HMBOX1: variants seen among roughly 807,000 people sequenced by gnomAD.
The protein encoded by HMBOX1 is homeobox containing 1.
A neutral mutation model predicts 54.5 loss-of-function variants in HMBOX1; 14 were observed. That is an observed-to-expected ratio of 0.26 (90% CI 0.17 to 0.40). The LOEUF (loss-of-function observed/expected upper bound fraction) is 0.40, where lower values mean the gene tolerates loss of function less well. Among genes scored for constraint, HMBOX1 ranks in the 10% least tolerant of loss-of-function variants. HMBOX1 has a pLI of 1.00. For missense variants in HMBOX1, 332 were observed against 514.4 expected (o/e 0.65, Z 3.43); for synonymous variants, 160 against 181.0 (o/e 0.88, Z 0.93).
rs558574425 is a variant in HMBOX1, at chr8:29,001,537, G to A, written c.587-7535G>A. On this transcript the variant is annotated intron_variant, in intron 4 of 9. Transcript: ENST00000287701. The stretch of plus-strand genomic sequence containing the variant: ...GGCGCTTCAGCCTCGGTAATAGAGC[G>A]AGATTCCATCTCAAACAAAACAAAA... 2.2e-3 allele frequency among the ~76,000 whole-genome samples: 318 copies of A among 146,336 alleles called. 1 individual carries two copies. Among genetic ancestry groups the A allele is most frequent in the African/African-American group, 7.4e-3 (291 of 39,324 alleles).
intron 6 of HMBOX1, 140 bp downstream of exon 6, chr8:29,019,053 A>G (rs1800769052): frequency 1.5e-6 from 1 of 654,326 alleles, no homozygotes. Flanking sequence ...AATATCATAA[A>G]TGCTGTATTA....
At chr8:28,920,606 T>C (rs1382660781) in intron 1 of HMBOX1, among the ~76,000 whole-genome samples, 1 of 152,218 alleles carries the variant, frequency 6.6e-6, no homozygotes, top group African/African-American at 2.4e-5. Context: ...ATTTATTGAG[T>C]ACCTACCATG....
intron 6 of HMBOX1, among the ~76,000 whole-genome samples, chr8:29,028,790 T>C (rs1802465814): frequency 6.6e-6 from 1 of 152,228 alleles, no homozygotes; most frequent in Non-Finnish European, 1.5e-5. Context: ...AAGAGACTCA[T>C]AGGTTCAAGC....
chr8:29,036,554 GA>G (rs1803910458), intron 6 of HMBOX1, among the ~76,000 whole-genome samples: 1 of 152,192 alleles, frequency 6.6e-6, no homozygotes, highest in South Asian at 2.1e-4. Flanking sequence ...TCCCAAAGAG[GA>G]AAAGGCAAGG....
intron 6 of HMBOX1, among the ~76,000 whole-genome samples, chr8:29,037,228 A>G (rs1323366217): frequency 6.6e-6 from 1 of 152,218 alleles, no homozygotes; most frequent in East Asian, 1.9e-4. Flanking sequence ...TCTGTAAAAA[A>G]TACATTAGTA....
rs1178556141 is a variant in HMBOX1, at chr8:29,048,984, A to T, written c.1061A>T (p.Asp354Val). 1 of 1,613,872 alleles carries T rather than the reference A, an allele frequency of 6.2e-7. No individual in the cohort carries two copies. The highest frequency in any genetic ancestry group is 1.3e-5 in the African/African-American group (1 of 74,930). ...GCAATCCTGGAGAGTCATGGGATAG[A>T]TGTGCAGAGTCCAGGAGGCCACTCA... Reference protein sequence around the residue: ...EAAILESHGIDVQSPGGHSNS... With the variant: ...EAAILESHGIVVQSPGGHSNS... Residue 354 changes from aspartate (D) to valine (V), a missense_variant, in exon 9 of 10, where the codon GAT (aspartate) becomes GTT (valine). Physicochemically the swap from Asp to Val is radical, Grantham distance 152. This residue lies in a region of HMBOX1 where 69 missense variants were observed against 104.6 expected (regional missense o/e 0.66). Coordinates refer to ENST00000287701, the MANE Select transcript of HMBOX1 (RefSeq NM_001135726.3).
At chr8:29,003,326 T>C (rs1832913856) in intron 4 of HMBOX1, among the ~76,000 whole-genome samples, 1 of 151,702 alleles carries the variant, frequency 6.6e-6, no homozygotes, top group Non-Finnish European at 1.5e-5. Context: ...TATCGAATAA[T>C]AGGTTCATGT....
rs111302309 is a variant in HMBOX1, at chr8:29,029,943, CT to C, written c.851+11039del. Among the ~76,000 whole-genome samples, 675 of 150,550 alleles carry C rather than the reference CT, an allele frequency of 4.5e-3. 10 individuals carry two copies. The East Asian group carries it at 0.055, about 12-fold the overall frequency. On this transcript the variant is annotated intron_variant, in intron 6 of 9. Transcript: ENST00000287701. The stretch of plus-strand genomic sequence containing the variant: ...CCCTTATTATTATTACTATTATTAT[CT>C]TTTTTTTTGCTTTTGTTCCTAAACT...
chr8:28,920,693 A>G lies in HMBOX1; in HGVS notation c.-58+30015A>G, dbSNP rs183154415. ...CGAGCCAAGAAGTATGATTGTTGCC[A>G]TAATAGAAACATGCTCAAGGTGGTG... On this transcript the variant is annotated intron_variant, in intron 1 of 9. Coordinates refer to ENST00000287701, the MANE Select transcript of HMBOX1 (RefSeq NM_001135726.3). Among the ~76,000 whole-genome samples, 115 of 152,336 alleles carry G rather than the reference A, an allele frequency of 7.5e-4. 2 individuals are homozygous for G. Among genetic ancestry groups the G allele is most frequent in the Non-Finnish European group, 1.6e-4 (11 of 68,028 alleles).
intron 1 of HMBOX1, among the ~76,000 whole-genome samples, chr8:28,932,622 A>G (rs551648471): frequency 6.6e-6 from 1 of 152,166 alleles, no homozygotes; most frequent in African/African-American, 2.4e-5. Context: ...CTTTTCATCT[A>G]TTTTTTTATC....
intron 1 of HMBOX1, among the ~76,000 whole-genome samples, chr8:28,892,490 T>TG (rs1811210758): frequency 6.6e-6 from 1 of 152,332 alleles, no homozygotes; most frequent in East Asian, 1.9e-4. Flanking sequence ...GTAAAGAAAT[T>TG]GGCATAATTT....
intron 4 of HMBOX1, among the ~76,000 whole-genome samples, chr8:28,996,771 A>G (rs1175956014): frequency 2.0e-5 from 3 of 152,152 alleles, no homozygotes; most frequent in Non-Finnish European, 4.4e-5. Context: ...ACTTTGAGTT[A>G]CTTTTTATAT....
At chr8:28,899,508 T>C (rs1327993294) in intron 1 of HMBOX1, among the ~76,000 whole-genome samples, 1 of 152,234 alleles carries the variant, frequency 6.6e-6, no homozygotes, top group Non-Finnish European at 1.5e-5. Context: ...GCCTTCTTTC[T>C]TTAGAGACAA....
In HMBOX1 at chr8:29,052,534, ATC is replaced by A. The variant is rs1429224552; in HGVS notation, c.*1381_*1382del. The A allele has an allele frequency of 6.6e-6, 1 of 152,114 alleles. No individual in the cohort carries two copies. Among genetic ancestry groups the A allele is most frequent in the African/African-American group, 2.4e-5 (1 of 41,412 alleles). The allele number at this position is 152,114 out of a possible 1,614,324, so 9.4% of individuals were successfully genotyped here. ...TTTTAAAGATATTTATATTTGATAA[ATC>A]TTTTTTTCATTTTGAGAACTCAAAA... On this transcript the variant is annotated 3_prime_UTR_variant, in exon 10 of 10. Coordinates refer to ENST00000287701, the MANE Select transcript of HMBOX1 (RefSeq NM_001135726.3).
chr8:28,951,958 G>A (rs1226166723), intron 1 of HMBOX1, among the ~76,000 whole-genome samples: 1 of 152,018 alleles, frequency 6.6e-6, no homozygotes, highest in African/African-American at 2.4e-5. Flanking sequence ...ACTTAAGCCC[G>A]ATCAGGAGTT....
At chr8:28,994,032 T>C (rs1421873787) in intron 4 of HMBOX1, among the ~76,000 whole-genome samples, 1 of 151,998 alleles carries the variant, frequency 6.6e-6, no homozygotes, top group Non-Finnish European at 1.5e-5. Context: ...CCGGATGTGG[T>C]GGTGCATGCC....
intron 1 of HMBOX1, among the ~76,000 whole-genome samples, chr8:28,901,285 T>C (rs1420664237): frequency 6.6e-6 from 1 of 152,148 alleles, no homozygotes; most frequent in Non-Finnish European, 1.5e-5. Context: ...CTTTTTTAGC[T>C]CTTAGCTGCA....
intron 1 of HMBOX1, among the ~76,000 whole-genome samples, chr8:28,903,106 T>TACACACACAC (rs151039437): frequency 5.3e-5 from 8 of 151,310 alleles, no homozygotes; most frequent in African/African-American, 1.5e-4. Flanking sequence ...AGCTTTCTTT[T>TACACACACAC]ACACACACAC....
At chr8:29,033,021 T>C (rs1451241459) in intron 6 of HMBOX1, among the ~76,000 whole-genome samples, 1 of 152,186 alleles carries the variant, frequency 6.6e-6, no homozygotes, top group African/African-American at 2.4e-5. Flanking sequence ...CCTTAGAACA[T>C]TATATCATTC....
Sources: allele counts gnomAD v4.1 joint callset (sites outside exome capture counted in the v4.1 genomes callset), GRCh38; gene constraint gnomAD v4.1.1; regional missense constraint gnomAD v4.1.1; transcripts MANE v1.5; gene names NCBI Gene and HGNC (gene_info 2026-07-23, HGNC 2026-07-21).